CACNA1E: variants seen among roughly 807,000 people sequenced by gnomAD.
The protein encoded by CACNA1E is voltage-dependent R-type calcium channel subunit alpha-1E.
CACNA1E carries 40 observed loss-of-function variants against 259.2 expected under a neutral mutation model. The ratio of observed to expected loss-of-function variants is 0.15; its 90% CI spans 0.12 to 0.20. The LOEUF (loss-of-function observed/expected upper bound fraction) is 0.20. Ranked by LOEUF, CACNA1E falls within the 10% of genes least tolerant of loss-of-function variation. The pLI is 1.00. For missense variants in CACNA1E, 1,874 were observed against 3,040.1 expected (o/e 0.62, Z 9.02); for synonymous variants, 1,104 against 1,138.5 (o/e 0.97, Z 0.61).
intron 6 of CACNA1E, among the ~76,000 whole-genome samples, chr1:181,606,468 C>G (rs753540142): frequency 1.3e-5 from 2 of 152,188 alleles, no homozygotes; most frequent in African/African-American, 2.4e-5. Flanking sequence ...AGTCCTCCCT[C>G]CCCATTACAT....
At chr1:181,617,727 G>A (rs764335269) in intron 6 of CACNA1E, among the ~76,000 whole-genome samples, 1 of 152,116 alleles carries the variant, frequency 6.6e-6, no homozygotes, top group Non-Finnish European at 1.5e-5. Context: ...CAGAAAGATT[G>A]CCTCCCACAC....
intron 32 of CACNA1E, among the ~76,000 whole-genome samples, chr1:181,760,803 C>G (rs1231601261): frequency 6.6e-6 from 1 of 152,218 alleles, no homozygotes; most frequent in African/African-American, 2.4e-5. Flanking sequence ...CTAGTCTACA[C>G]TGCACTGTAC....
chr1:181,641,720 T>G (rs10910975), intron 6 of CACNA1E, among the ~76,000 whole-genome samples: 20,682 of 135,606 alleles, frequency 0.15, 1,439 homozygotes, highest in South Asian at 0.27. Flanking sequence ...TTTTTTTTTT[T>G]TTTTTTTTTT....
At chr1:181,423,637 G>A (rs1386512962) in intron 2 of CACNA1E, among the ~76,000 whole-genome samples, 1 of 150,838 alleles carries the variant, frequency 6.6e-6, no homozygotes, top group Non-Finnish European at 1.5e-5. Flanking sequence ...AAGCTTTATG[G>A]GTGAATTTAA....
chr1:181,549,550 C>A (rs1049690101), intron 3 of CACNA1E, among the ~76,000 whole-genome samples: 11 of 152,182 alleles, frequency 7.2e-5, no homozygotes, highest in African/African-American at 2.4e-4. Context: ...CATCTCTTTC[C>A]CTTATAATGA....
chr1:181,488,874 C>T (rs763733647), intron 1 of CACNA1E, among the ~76,000 whole-genome samples: 1 of 152,168 alleles, frequency 6.6e-6, no homozygotes, highest in Non-Finnish European at 1.5e-5. Flanking sequence ...CTCTTTATAG[C>T]ACTGCTGTAC....
chr1:181,744,449 G>A (rs1656868950), intron 25 of CACNA1E, among the ~76,000 whole-genome samples: 1 of 152,184 alleles, frequency 6.6e-6, no homozygotes, highest in African/African-American at 2.4e-5. Flanking sequence ...ATTTGCTTGT[G>A]GGATTTTGTG....
chr1:181,686,764 G>A (rs1650624956), intron 7 of CACNA1E, among the ~76,000 whole-genome samples: 3 of 152,212 alleles, frequency 2.0e-5, no homozygotes, highest in African/African-American at 7.2e-5. Context: ...AGGACATGGT[G>A]TTCAGAGGCC....
chr1:181,683,048 G>C (rs1427317815), intron 7 of CACNA1E, among the ~76,000 whole-genome samples: 1 of 152,136 alleles, frequency 6.6e-6, no homozygotes, highest in African/African-American at 2.4e-5. Flanking sequence ...CCATAGAATT[G>C]GAGCCCCTCC....
intron 1 of CACNA1E, among the ~76,000 whole-genome samples, chr1:181,356,268 C>T (rs760899922): frequency 1.2e-4 from 18 of 152,068 alleles, no homozygotes; most frequent in East Asian, 9.7e-4. Flanking sequence ...AAGTGGAGCA[C>T]GAGGACTCAG....
Position 181,785,403 on chromosome 1 carries a change from G to A in CACNA1E, c.5664G>A (p.Gln1888=), listed in dbSNP as rs775040898. Residue 1888 remains glutamine, a synonymous_variant, in exon 42 of 48, where the codon CAG becomes CAA. Transcript: ENST00000367573. ...YKQSKVKKQR[Q]QLEEQKNAPM... is the part of the protein sequence containing the mutation. ...AGAGTAAGGTGAAGAAGCAGAGGCA[G>A]CAGCTGGAGGAACAGGTGAAAGTCA... 3 of 1,609,258 alleles carry A rather than the reference G, an allele frequency of 1.9e-6. No homozygotes were observed. In the Admixed American group the frequency reaches 5.0e-5, roughly 27 times the overall value.
Position 181,785,719 on chromosome 1 carries a change from G to A in CACNA1E, c.5686G>A (p.Ala1896Thr), listed in dbSNP as rs958002940. 4 of 1,610,650 alleles carry A rather than the reference G, an allele frequency of 2.5e-6. No homozygotes were observed. The highest frequency in any genetic ancestry group is 1.1e-5 in the South Asian group (1 of 90,828). Reference protein sequence around the residue: ...QRQQLEEQKNAPMFQRMEPSS... With the variant: ...QRQQLEEQKNTPMFQRMEPSS... ...CTTCCCTCTTTTTACCCAGAAAAAT[G>A]CCCCCATGTTCCAGCGCATGGAGCC... Residue 1896 changes from alanine (A) to threonine (T), a missense_variant, in exon 43 of 48, where the codon GCC (alanine) becomes ACC (threonine). Physicochemically the swap from Ala to Thr is moderately conservative, Grantham distance 58. This residue lies in a region of CACNA1E where 542 missense variants were observed against 587.2 expected (regional missense o/e 0.92). Transcript: ENST00000367573.
At chr1:181,420,010 C>T (rs1378881202) in intron 2 of CACNA1E, among the ~76,000 whole-genome samples, 4 of 152,130 alleles carry the variant, frequency 2.6e-5, no homozygotes, top group Non-Finnish European at 4.4e-5. Context: ...TGGTCCTTTC[C>T]CAGGGCTTGG....
chr1:181,689,243 G>A (rs1650893249), intron 7 of CACNA1E, among the ~76,000 whole-genome samples: 1 of 151,978 alleles, frequency 6.6e-6, no homozygotes, highest in Non-Finnish European at 1.5e-5. Context: ...TTGGTTTTCT[G>A]TTCTTGTGTT....
At chr1:181,751,306 A>G (rs1241196066) in intron 26 of CACNA1E, among the ~76,000 whole-genome samples, 1 of 152,260 alleles carries the variant, frequency 6.6e-6, no homozygotes, top group African/African-American at 2.4e-5. Flanking sequence ...AGGAGTAAAC[A>G]TTTCCAAGAG....
intron 4 of CACNA1E, among the ~76,000 whole-genome samples, chr1:181,578,270 T>C (rs943063616): frequency 1.3e-5 from 2 of 152,196 alleles, no homozygotes; most frequent in Non-Finnish European, 2.9e-5. Flanking sequence ...TAAAAATTCT[T>C]GGCTGAGTGC....
At chr1:181,699,799 A>T (rs1652055234) in intron 7 of CACNA1E, among the ~76,000 whole-genome samples, 1 of 152,070 alleles carries the variant, frequency 6.6e-6, no homozygotes, top group Non-Finnish European at 1.5e-5. Context: ...TGAGGTTGGG[A>T]TGAGAAAGGA....
chr1:181,359,882 C>T (rs1337467414), intron 1 of CACNA1E, among the ~76,000 whole-genome samples: 3 of 152,176 alleles, frequency 2.0e-5, no homozygotes, highest in South Asian at 2.1e-4. Context: ...CCTTTCCTTA[C>T]GATTGTAGCT....
At chr1:181,469,319 TG>T (rs950616616) in intron 2 of CACNA1E, among the ~76,000 whole-genome samples, 2 of 152,038 alleles carry the variant, frequency 1.3e-5, no homozygotes, top group African/African-American at 4.8e-5. Flanking sequence ...TGACAGGGCT[TG>T]GGGAATGCTT....
Sources: gnomAD v4.1 joint callset for allele counts (sites outside exome capture counted in the v4.1 genomes callset) on GRCh38, gnomAD v4.1.1 for gene constraint, gnomAD v4.1.1 regional missense constraint, MANE v1.5 for transcripts, NCBI Gene and HGNC (gene_info 2026-07-23, HGNC 2026-07-21) for gene names.